ALOX12: variants seen among roughly 807,000 people sequenced by gnomAD.
ALOX12 encodes the protein arachidonate 12-lipoxygenase, 12S type, also known as polyunsaturated fatty acid lipoxygenase ALOX12.
ALOX12 carries 62 observed loss-of-function variants against 85.5 expected under a neutral mutation model. That is an observed-to-expected ratio of 0.73 (90% CI 0.59 to 0.90). ALOX12 has a LOEUF of 0.90. Among genes scored for constraint, ALOX12 ranks in the 40% least tolerant of loss-of-function variants. The pLI, the probability that ALOX12 is intolerant of heterozygous loss-of-function variation, is 0.00. For synonymous variants in ALOX12, 299 were observed against 332.7 expected, an observed-to-expected ratio of 0.90 and a Z score of 1.10; for missense variants, 751 against 856.5, an observed-to-expected ratio of 0.88 and a Z score of 1.54.
At position 7,006,474 on chromosome 17, in the gene ALOX12, C is replaced by G. The variant is rs750344076; in HGVS notation, c.1419-12C>G. ...GGCTTTCTGCCCTCAAGTGCCTTTT[C>G]CCCCTGGGCAGGTATGTGGAGGGGA... On this transcript the variant is annotated splice_polypyrimidine_tract_variant and intron_variant, in intron 10 of 13. Coordinates refer to ENST00000251535, the MANE Select transcript of ALOX12 (RefSeq NM_000697.3). 1.2e-6 allele frequency: 2 copies of G among 1,613,102 alleles called. No homozygotes were observed. Among genetic ancestry groups the G allele is most frequent in the African/African-American group, 1.3e-5 (1 of 75,014 alleles).
chr17:7,004,116 T>TAATTTAATATTAAATTAA (rs1483675849), intron 8 of ALOX12, among the ~76,000 whole-genome samples: 1 of 80,632 alleles, frequency 1.2e-5, no homozygotes, highest in Non-Finnish European at 3.3e-5. Flanking sequence ...ATTAAAATTT[T>TAATTTAATATTAAATTAA]AATTTTAATT....
At chr17:7,001,411 CCCTCCTG>C in intron 7 of ALOX12, 184 bp from the exon 8 acceptor site, 1 of 621,338 alleles carries the variant, frequency 1.6e-6, no homozygotes. Flanking sequence ...TTCTTCCAGT[CCCTCCTG>C]CCTTCCACCT....
chr17:6,999,236 C>A, intron 5 of ALOX12, 70 bp from the exon 6 acceptor site: 1 of 1,600,192 alleles, frequency 6.2e-7, no homozygotes, highest in Admixed American at 1.7e-5. Flanking sequence ...ACCTGAACCC[C>A]TGGGGTAGAT....
chr17:6,999,340 G>A lies in ALOX12; in HGVS notation c.681G>A (p.Leu227=). 6.2e-7 allele frequency: 1 copy of A among 1,614,234 alleles called. No individual in the cohort carries two copies. The highest frequency in any genetic ancestry group is 1.3e-5 in the African/African-American group (1 of 75,054). The change falls in exon 6 of 14, where the codon TTG becomes TTA. Residue 227 remains leucine (L), a synonymous_variant. Transcript: ENST00000251535. Reference sequence around the variant, plus strand: ...GCCAGTGCTGGCAGGATGATGAGTTGTTCAGCTACCAGTTCCTCAATGGTG... The same window carrying A: ...GCCAGTGCTGGCAGGATGATGAGTTATTCAGCTACCAGTTCCTCAATGGTG... ...KVRQCWQDDE[L]FSYQFLNGAN...
chr17:7,009,085 ACT>A (rs1358546213), intron 11 of ALOX12, among the ~76,000 whole-genome samples: 1 of 134,148 alleles, frequency 7.5e-6, no homozygotes, highest in Non-Finnish European at 1.6e-5. Context: ...TTTGAGACAG[ACT>A]CTCGTTGTGT....
chr17:7,006,059 C>CG lies in ALOX12; in HGVS notation c.1418+32_1418+33insG, dbSNP rs1491546294. The stretch of plus-strand genomic sequence containing the variant: ...AAGGAGGAGCTGAGAAATGGTGGGG[C>CG]CGGGGGGGGGGGGGGCTCTGGCCTG... On this transcript the variant is annotated intron_variant, in intron 10 of 13. Transcript: ENST00000251535. 34 of 135,676 alleles carry CG rather than the reference C, an allele frequency of 2.5e-4. 7 individuals carry two copies. The highest frequency in any genetic ancestry group is 1.9e-3 in the East Asian group (5 of 2,612). 8.4% of individuals were successfully genotyped at this position (135,676 alleles called of 1,614,324 possible).
chr17:6,997,238 C>T (rs1476678134), intron 2 of ALOX12: 1 of 750,620 alleles, frequency 1.3e-6, no homozygotes, highest in African/African-American at 1.9e-5. Context: ...GCGTGTGAGG[C>T]TGGAGGCAGG....
rs2307216 is a variant in ALOX12, at chr17:7,010,103, C to G, written c.1789C>G (p.Leu597Val). Residue 597 changes from leucine to valine, a missense_variant, in exon 13 of 14, where the codon CTG becomes GTG. By Grantham distance (32) the Leu-to-Val change is conservative. Coordinates refer to ENST00000251535, the MANE Select transcript of ALOX12 (RefSeq NM_000697.3). Reference protein sequence around the residue: ...ACLQMAISWHLSRRQPDMVPL... With the variant: ...ACLQMAISWHVSRRQPDMVPL... ...TCTTCAAATGGCCATCTCATGGCAT[C>G]TGAGTCGCCGCCAGCCAGACATGGT... 1.2e-6 allele frequency: 2 copies of G among 1,612,860 alleles called. No individual in the cohort carries two copies. Among genetic ancestry groups the G allele is most frequent in the South Asian group, 1.1e-5 (1 of 90,940 alleles).
chr17:7,006,737 C>A, intron 11 of ALOX12, 130 bp downstream of exon 11: 1 of 1,249,268 alleles, frequency 8.0e-7, no homozygotes, highest in Non-Finnish European at 1.1e-6. Context: ...CACGGGAAAG[C>A]ATGTGTATCC....
At chr17:7,008,405 A>G (rs906357887) in intron 11 of ALOX12, among the ~76,000 whole-genome samples, 2 of 152,210 alleles carry the variant, frequency 1.3e-5, no homozygotes, top group African/African-American at 4.8e-5. Flanking sequence ...CAGTCCTGAC[A>G]GTTTATTCTC....
chr17:6,997,642 C>T (rs920230533), intron 2 of ALOX12, among the ~76,000 whole-genome samples: 1 of 151,108 alleles, frequency 6.6e-6, no homozygotes, highest in Non-Finnish European at 1.5e-5. Context: ...ACTGCAACCT[C>T]CACCTCCTGG....
intron 8 of ALOX12, among the ~76,000 whole-genome samples, chr17:7,004,462 T>C (rs1908933164): frequency 6.8e-6 from 1 of 146,734 alleles, no homozygotes; most frequent in Non-Finnish European, 1.5e-5. Flanking sequence ...ATTTTAATAT[T>C]AAATTAAAAT....
At chr17:7,002,051 G>A (rs1908738836) in intron 8 of ALOX12, 2 of 531,964 alleles carry the variant, frequency 3.8e-6, no homozygotes, top group South Asian at 2.2e-5. Flanking sequence ...CTCACAGTAG[G>A]GCTTGAACAC....
intron 7 of ALOX12, chr17:7,001,341 G>A (rs536601119): frequency 7.3e-5 from 37 of 503,486 alleles, no homozygotes; most frequent in Middle Eastern, 5.4e-4. Context: ...CCATCTGAGC[G>A]CCGACCCCAA....
At chr17:6,999,716 C>T in intron 6 of ALOX12, 1 of 476,798 alleles carries the variant, frequency 2.1e-6, no homozygotes, top group Middle Eastern at 5.9e-4. Context: ...GGAACAGTGA[C>T]ATTGCCTGGC....
intron 11 of ALOX12, among the ~76,000 whole-genome samples, chr17:7,007,600 C>T (rs1909150591): frequency 6.6e-6 from 1 of 152,130 alleles, no homozygotes; most frequent in African/African-American, 2.4e-5. Flanking sequence ...CAACAAAACA[C>T]TAGCTGGGCA....
Position 7,001,845 on chromosome 17 carries a change from A to C in ALOX12, c.1161+34A>C, listed in dbSNP as rs559146443. 1.9e-6 allele frequency: 3 copies of C among 1,577,676 alleles called. No homozygotes were observed. The South Asian group carries it at 3.3e-5, about 17-fold the overall frequency. On this transcript the variant is annotated intron_variant, in intron 8 of 13. Coordinates refer to ENST00000251535, the MANE Select transcript of ALOX12 (RefSeq NM_000697.3). ...TAATCTATTAAATCACATATCCCTC[A>C]GACCCCAGAGAGAGGAACAGCCCCA...
chr17:7,008,529 T>C (rs1298262966), intron 11 of ALOX12, among the ~76,000 whole-genome samples: 1 of 152,200 alleles, frequency 6.6e-6, no homozygotes, highest in Non-Finnish European at 1.5e-5. Context: ...GCAGATCACC[T>C]GAGGCCAGGA....
At chr17:7,001,562 A>G in intron 7 of ALOX12, 40 bp from the exon 8 acceptor site, 4 of 1,538,816 alleles carry the variant, frequency 2.6e-6, no homozygotes, top group Non-Finnish European at 3.6e-6. Flanking sequence ...CTATAATGTC[A>G]TATACGGAAT....
Sources: allele counts gnomAD v4.1 joint callset (sites outside exome capture counted in the v4.1 genomes callset), GRCh38; gene constraint gnomAD v4.1.1; transcripts MANE v1.5; gene names NCBI Gene and HGNC (gene_info 2026-07-23, HGNC 2026-07-21).